The following ANKRD27 variants were observed in gnomAD, a reference collection of about 807,000 sequenced individuals.
ANKRD27 encodes ankyrin repeat domain-containing protein 27.
Under a neutral mutation model 129.7 loss-of-function variants are expected in ANKRD27, and 112 were observed. That is an observed-to-expected ratio of 0.86 (90% confidence interval 0.74 to 1.01). The LOEUF is 1.01. Among genes scored for constraint, ANKRD27 ranks in the 50% least tolerant of loss-of-function variants. The probability of loss-of-function intolerance (pLI) is 0.00; values close to 1 mark genes in which losing one functional copy is unlikely to be tolerated. For synonymous variants in ANKRD27, 516 were observed against 511.2 expected, an observed-to-expected ratio of 1.01 and a Z score of -0.13; for missense variants, 1,258 against 1,300.5, an observed-to-expected ratio of 0.97 and a Z score of 0.50.
At position 32,642,070 on chromosome 19, in the gene ANKRD27, G is replaced by A; in HGVS notation, c.858C>T (p.Cys286=). ...KCTSPQQKLV[C]LRKVVQLITQ... ...TAATGAGCTGCACCACTTTTCGCAA[G>A]CAGACAAGCTTCTGCTGTGGGGAGG... Residue 286 remains cysteine, a synonymous_variant, in exon 10 of 29, where the codon TGC becomes TGT. Transcript: ENST00000306065. The A allele has an allele frequency of 6.2e-7, 1 of 1,610,972 alleles. No homozygotes were observed. Among genetic ancestry groups the A allele is most frequent in the Non-Finnish European group, 8.5e-7 (1 of 1,177,804 alleles).
Position 32,649,738 on chromosome 19 carries a change from A to G in ANKRD27, c.157T>C (p.Phe53Leu). ...LSSSIQSTCQFESYILIPVEE... is the reference protein window; with the variant it reads ...LSSSIQSTCQLESYILIPVEE... ...ACAGGTATCAAAATGTAGGACTCAA[A>G]CTGACAAGTAGACTGGATGCTGCTC... Residue 53 changes from phenylalanine (F) to leucine (L), a missense_variant, in exon 3 of 29, where the codon TTT becomes CTT. Phe to Leu is a conservative substitution (Grantham distance 22, BLOSUM62 0). Coordinates refer to ENST00000306065, the MANE Select transcript of ANKRD27 (RefSeq NM_032139.3). The G allele has an allele frequency of 6.2e-7, 1 of 1,614,102 alleles. No homozygotes were observed. Among genetic ancestry groups the G allele is most frequent in the Non-Finnish European group, 8.5e-7 (1 of 1,179,990 alleles).
At position 32,598,066 on chromosome 19, in the gene ANKRD27, T is replaced by C. The variant is rs1448694061; in HGVS notation, c.*79A>G. 1.5e-6 allele frequency: 2 copies of C among 1,318,542 alleles called. No individual in the cohort carries two copies. The highest frequency in any genetic ancestry group is 2.9e-5 in the African/African-American group (2 of 69,384). The allele number at this position is 1,318,542 out of a possible 1,614,324, so 81.7% of individuals were successfully genotyped here. ...CCAGTCTCATGGAAGCACATTTAGT[T>C]CTCAGATGTGTTCACGCTCAGCATC... On this transcript the variant is annotated 3_prime_UTR_variant, in exon 29 of 29. Transcript: ENST00000306065.
chr19:32,605,633 C>A (rs569399386), intron 24 of ANKRD27, among the ~76,000 whole-genome samples: 1 of 152,198 alleles, frequency 6.6e-6, no homozygotes, highest in Non-Finnish European at 1.5e-5. Flanking sequence ...CCCTTGAGAC[C>A]GCATCCCAGA....
intron 11 of ANKRD27, 150 bp from the exon 12 acceptor site, chr19:32,639,638 A>T (rs1967158393): frequency 2.2e-5 from 17 of 775,426 alleles, no homozygotes; most frequent in South Asian, 1.5e-4. Flanking sequence ...CTCTCTGCAG[A>T]GTGTGTGCGA....
chr19:32,637,448 A>T (rs1191291917), intron 12 of ANKRD27: 1 of 152,228 alleles, frequency 6.6e-6, no homozygotes, highest in African/African-American at 2.4e-5. Context: ...ATGCTCAATA[A>T]AAACCAAGGA....
In ANKRD27 at chr19:32,601,080, C is replaced by G. The variant is rs571176125; in HGVS notation, c.2767+935G>C. Reference sequence around the variant, plus strand: ...TTGGGAGGCCAAGGAGGGCGGATCACTTGAGGTCAGGAGTTTGAGACCAGC... The same window carrying G: ...TTGGGAGGCCAAGGAGGGCGGATCAGTTGAGGTCAGGAGTTTGAGACCAGC... On this transcript the variant is annotated intron_variant, in intron 26 of 28. Coordinates refer to ENST00000306065, the MANE Select transcript of ANKRD27 (RefSeq NM_032139.3). Among the ~76,000 whole-genome samples, 115 of 151,534 alleles carry G rather than the reference C, an allele frequency of 7.6e-4. 1 individual carries two copies. The highest frequency in any genetic ancestry group is 2.6e-3 in the African/African-American group (108 of 41,268).
chr19:32,601,376 C>G (rs931190156), intron 26 of ANKRD27, among the ~76,000 whole-genome samples: 3 of 151,866 alleles, frequency 2.0e-5, no homozygotes, highest in African/African-American at 7.3e-5. Flanking sequence ...GCGGGCAGAT[C>G]ACGAGGTCAG....
At chr19:32,627,987 C>G in intron 15 of ANKRD27, 96 bp downstream of exon 15, 1 of 1,156,478 alleles carries the variant, frequency 8.6e-7, no homozygotes, top group East Asian at 2.4e-5. Context: ...ACTGCCAACC[C>G]CCACCCAGCC....
At chr19:32,629,278 G>A (rs901646855) in intron 13 of ANKRD27, among the ~76,000 whole-genome samples, 1 of 152,148 alleles carries the variant, frequency 6.6e-6, no homozygotes, top group African/African-American at 2.4e-5. Context: ...TTTGCACTCT[G>A]GCATTTCCTT....
intron 12 of ANKRD27, among the ~76,000 whole-genome samples, chr19:32,635,283 G>A (rs555161924): frequency 1.3e-5 from 2 of 152,276 alleles, no homozygotes; most frequent in South Asian, 4.1e-4. Flanking sequence ...TTCTTGCCCT[G>A]CAAGAACCAG....
chr19:32,601,089 A>G (rs949556491), intron 26 of ANKRD27, among the ~76,000 whole-genome samples: 5 of 151,902 alleles, frequency 3.3e-5, no homozygotes, highest in African/African-American at 9.7e-5. Context: ...ACTTGAGGTC[A>G]GGAGTTTGAG....
At chr19:32,651,649 T>C (rs866164233) in intron 2 of ANKRD27, among the ~76,000 whole-genome samples, 9 of 152,066 alleles carry the variant, frequency 5.9e-5, no homozygotes, top group African/African-American at 2.2e-4. Flanking sequence ...CGATTACAGG[T>C]GTGAGCCACC....
In ANKRD27 at chr19:32,671,509, C is replaced by T. The variant is rs542107556; in HGVS notation, c.-31+3562G>A. Among the ~76,000 whole-genome samples the T allele has an allele frequency of 3.3e-5, 5 of 152,154 alleles. No individual in the cohort carries two copies. In the East Asian group the frequency reaches 7.8e-4, roughly 24 times the overall value. Reference sequence around the variant, plus strand: ...GGTCAGGAGTTTCAGACCAGCCTGGCCAACATGGTAAAACCCCGTCTCTAC... The same window carrying T: ...GGTCAGGAGTTTCAGACCAGCCTGGTCAACATGGTAAAACCCCGTCTCTAC... On this transcript the variant is annotated intron_variant, in intron 1 of 28. Coordinates refer to ENST00000306065, the MANE Select transcript of ANKRD27 (RefSeq NM_032139.3).
chr19:32,629,347 G>T (rs562099378), intron 13 of ANKRD27, among the ~76,000 whole-genome samples: 57 of 152,224 alleles, frequency 3.7e-4, no homozygotes, highest in African/African-American at 1.4e-3. Context: ...CTGCACAATG[G>T]TGGCCGGCTC....
chr19:32,640,594 G>A (rs1215361916), intron 10 of ANKRD27, among the ~76,000 whole-genome samples: 2 of 152,162 alleles, frequency 1.3e-5, no homozygotes, highest in African/African-American at 4.8e-5. Context: ...TTCAGAACAT[G>A]ACCAAAACAA....
chr19:32,659,439 A>AT (rs1005150527), intron 1 of ANKRD27, among the ~76,000 whole-genome samples: 9 of 152,096 alleles, frequency 5.9e-5, no homozygotes, highest in Admixed American at 1.3e-4. Context: ...ATGACGTGCC[A>AT]TTTTTTTCTC....
rs535320460 is a variant in ANKRD27, at chr19:32,657,103, G to A, written c.102+1811C>T. ...TTCTCTTTGGGAGATGGAGGTGGGC[G>A]GATAACTTGAGGCCAGGAGTTCAAG... On this transcript the variant is annotated intron_variant, in intron 2 of 28. Transcript: ENST00000306065. 2.5e-4 allele frequency among the ~76,000 whole-genome samples: 38 copies of A among 152,166 alleles called. No individual in the cohort carries two copies. The South Asian group carries it at 6.0e-3, about 24-fold the overall frequency.
intron 3 of ANKRD27, among the ~76,000 whole-genome samples, chr19:32,646,820 C>T (rs1196699181): frequency 6.6e-5 from 10 of 152,086 alleles, no homozygotes; most frequent in Non-Finnish European, 8.8e-5. Flanking sequence ...CTGCAAGATA[C>T]CTGAATCATT....
rs750284658 is a variant in ANKRD27, at chr19:32,607,707, C to A, written c.2301G>T (p.Gly767=). 3.7e-6 allele frequency: 6 copies of A among 1,612,978 alleles called. No homozygotes were observed. Among genetic ancestry groups the A allele is most frequent in the Non-Finnish European group, 8.5e-7 (1 of 1,179,732 alleles). The change falls in exon 23 of 29, where the codon GGG becomes GGT. Residue 767 remains glycine (G), a synonymous_variant. Transcript: ENST00000306065. ...CTGCGTTCCTGGCACCTGCGTTGGC[C>A]CCGTGCTTCAGCAGGAGGGGGATGA... ...ADLIPLLLKH[G]ANAGARNADQ... is the part of the protein sequence containing the mutation.
Sources: gnomAD v4.1 joint callset for allele counts (sites outside exome capture counted in the v4.1 genomes callset) on GRCh38, gnomAD v4.1.1 for gene constraint, MANE v1.5 for transcripts, NCBI Gene and HGNC (gene_info 2026-07-23, HGNC 2026-07-21) for gene names.